The following LARGE1 variants were observed in gnomAD, a reference collection of about 807,000 sequenced individuals.
LARGE1 encodes xylosyl- and glucuronyltransferase LARGE1.
A neutral mutation model predicts 87.6 loss-of-function variants in LARGE1; 43 were observed. The ratio of observed to expected loss-of-function variants is 0.49; its 90% CI spans 0.38 to 0.63. The LOEUF (loss-of-function observed/expected upper bound fraction) is 0.63. Among genes scored for constraint, LARGE1 ranks in the 30% least tolerant of loss-of-function variants. The pLI, the probability that LARGE1 is intolerant of heterozygous loss-of-function variation, is 0.00. For synonymous variants in LARGE1, 434 were observed against 394.6 expected (o/e 1.10, Z -1.18); for missense variants, 802 against 1,000.2 (o/e 0.80, Z 2.67).
At chr22:33,111,242 C>T in the LARGE1 span, among the ~76,000 whole-genome samples, 5 of 152,060 alleles carry the variant, frequency 3.3e-5, no homozygotes, top group African/African-American at 1.2e-4. Context: ...ATTTCTGGAA[C>T]CTTGGTTTCT....
chr22:33,268,147 T>A (rs1928052002), downstream of LARGE1, among the ~76,000 whole-genome samples: 1 of 151,070 alleles, frequency 6.6e-6, no homozygotes, highest in Non-Finnish European at 1.5e-5. Context: ...AGAGATGGGG[T>A]TTCACCATGT....
chr22:33,264,006 T>C (rs993338735), intron 11 of LARGE1, among the ~76,000 whole-genome samples: 14 of 152,258 alleles, frequency 9.2e-5, no homozygotes, highest in African/African-American at 3.4e-4. Flanking sequence ...AAAGTATCTA[T>C]CTGAACTAAC....
At chr22:33,872,355 CTATCTATTATTATTATTAT>C (rs1454114003) in intron 1 of LARGE1, among the ~76,000 whole-genome samples, 1 of 133,854 alleles carries the variant, frequency 7.5e-6, no homozygotes, top group Non-Finnish European at 1.5e-5. Flanking sequence ...GCAGTAAATG[CTATCTATTATTATTATTAT>C]TATTATTATT....
intron 9 of LARGE1, among the ~76,000 whole-genome samples, chr22:33,343,774 C>G (rs1346737114): frequency 6.6e-6 from 1 of 152,178 alleles, no homozygotes; most frequent in Admixed American, 6.5e-5. Context: ...AGTACATGCT[C>G]AAGCTTAAAA....
At chr22:33,170,564 A>G (rs1922512935) in intron 11 of LARGE1, among the ~76,000 whole-genome samples, 1 of 152,112 alleles carries the variant, frequency 6.6e-6, no homozygotes, top group South Asian at 2.1e-4. Context: ...GGGAGATATC[A>G]TAAGATCTGA....
At position 33,616,924 on chromosome 22, in the gene LARGE1, CACT is replaced by C. The variant is rs546864112; in HGVS notation, c.491+9317_491+9319del. Among the ~76,000 whole-genome samples, 216 of 152,308 alleles carry C rather than the reference CACT, an allele frequency of 1.4e-3. 1 individual carries two copies. Among genetic ancestry groups the C allele is most frequent in the Admixed American group, 3.3e-3 (50 of 15,304 alleles). On this transcript the variant is annotated intron_variant, in intron 4 of 14. Transcript: ENST00000397394. The stretch of plus-strand genomic sequence containing the variant: ...CAATTCTGTGAATTTACTAAACAAC[CACT>C]AAATTGTACACTTTTAAAGAGCAAA...
intron 9 of LARGE1, among the ~76,000 whole-genome samples, chr22:33,368,932 G>A (rs912972613): frequency 6.6e-6 from 1 of 152,160 alleles, no homozygotes; most frequent in Admixed American, 6.5e-5. Context: ...TGCTGGTGGA[G>A]GGTCCTGTCT....
intron 1 of LARGE1, among the ~76,000 whole-genome samples, chr22:33,813,492 G>A (rs769505691): frequency 6.6e-6 from 1 of 151,808 alleles, no homozygotes; most frequent in Non-Finnish European, 1.5e-5. Context: ...TCTGCTCAAC[G>A]GCCCACCAGA....
chr22:33,784,745 TAAAC>T (rs1464385153), intron 1 of LARGE1, among the ~76,000 whole-genome samples: 14 of 152,116 alleles, frequency 9.2e-5, no homozygotes, highest in Admixed American at 7.9e-4. Context: ...TATTTGTACA[TAAAC>T]AATATATATA....
chr22:33,438,370 T>C lies in LARGE1; in HGVS notation c.788-6105A>G, dbSNP rs114754031. Among the ~76,000 whole-genome samples, 1,325 of 152,306 alleles carry C rather than the reference T, an allele frequency of 8.7e-3. 24 individuals are homozygous for C. The highest frequency in any genetic ancestry group is 0.031 in the African/African-American group (1,268 of 41,572). On this transcript the variant is annotated intron_variant, in intron 6 of 14. Transcript: ENST00000397394. ...GTGACTCACAGAAAACGCTTTGTCA[T>C]TGTTTTCCAAGCTGGGCCTGTGGTT...
intron 2 of LARGE1, among the ~76,000 whole-genome samples, chr22:33,731,791 A>G (rs561784480): frequency 1.3e-5 from 2 of 152,348 alleles, no homozygotes; most frequent in Admixed American, 6.5e-5. Flanking sequence ...TGGGTTCACC[A>G]GTGTACATTT....
At chr22:33,868,288 A>G (rs2064168318) in intron 1 of LARGE1, among the ~76,000 whole-genome samples, 2 of 152,130 alleles carry the variant, frequency 1.3e-5, no homozygotes, top group African/African-American at 4.8e-5. Flanking sequence ...CACCTGAGAA[A>G]CGCCAGGTTT....
At chr22:33,261,708 T>C (rs1927635172) in intron 11 of LARGE1, among the ~76,000 whole-genome samples, 1 of 151,802 alleles carries the variant, frequency 6.6e-6, no homozygotes, top group Non-Finnish European at 1.5e-5. Flanking sequence ...TGGGGAGGTG[T>C]GAAGAAAATG....
chr22:33,346,962 C>T (rs1470382071), intron 9 of LARGE1, among the ~76,000 whole-genome samples: 1 of 152,222 alleles, frequency 6.6e-6, no homozygotes, highest in East Asian at 1.9e-4. Flanking sequence ...TCACTTCACT[C>T]ACCTTTCTAT....
chr22:33,089,464 C>CTCTTCT, the LARGE1 span, among the ~76,000 whole-genome samples: 68,989 of 142,220 alleles, frequency 0.49, 19,517 homozygotes, highest in East Asian at 0.92. Flanking sequence ...CCTCCTCTTC[C>CTCTTCT]TCTTCTTCTT....
intron 1 of LARGE1, among the ~76,000 whole-genome samples, chr22:33,862,410 A>G (rs905420301): frequency 6.6e-6 from 1 of 152,206 alleles, no homozygotes; most frequent in Non-Finnish European, 1.5e-5. Context: ...AATACAGGCG[A>G]TCTTCTCAGG....
At chr22:33,531,915 G>A (rs137929471) in intron 6 of LARGE1, among the ~76,000 whole-genome samples, 59 of 152,340 alleles carry the variant, frequency 3.9e-4, no homozygotes, top group Admixed American at 7.2e-4. Context: ...CCTTCCAATG[G>A]TTCCATGCAA....
chr22:33,612,819 G>C (rs532713152), intron 4 of LARGE1, among the ~76,000 whole-genome samples: 165 of 152,326 alleles, frequency 1.1e-3, no homozygotes, highest in African/African-American at 3.8e-3. Context: ...ATAATTCTGG[G>C]AAGTTTTAAC....
chr22:33,448,994 T>C (rs1569172670), intron 6 of LARGE1, among the ~76,000 whole-genome samples: 1 of 152,226 alleles, frequency 6.6e-6, no homozygotes, highest in Non-Finnish European at 1.5e-5. Context: ...AATAGAATTA[T>C]AATCTTATAG....
Sources: gnomAD v4.1 joint callset for allele counts (sites outside exome capture counted in the v4.1 genomes callset) on GRCh38, gnomAD v4.1.1 for gene constraint, MANE v1.5 for transcripts, NCBI Gene and HGNC (gene_info 2026-07-23, HGNC 2026-07-21) for gene names.